C17orf99: variants seen among roughly 807,000 people sequenced by gnomAD.
The protein encoded by C17orf99 is protein IL-40.
Under a neutral mutation model 22.6 loss-of-function variants are expected in C17orf99, and 18 were observed. That is an observed-to-expected ratio of 0.80 (90% CI 0.55 to 1.18). The LOEUF is 1.18. C17orf99 is among the 50% of genes most tolerant of loss of function. C17orf99 has a pLI of 0.00. For synonymous variants in C17orf99, 147 were observed against 136.6 expected (o/e 1.08, Z -0.53); for missense variants, 328 against 342.7 (o/e 0.96, Z 0.34).
intron 2 of C17orf99, chr17:78,160,242 T>C (rs1042176374): frequency 2.4e-5 from 10 of 411,424 alleles, no homozygotes; most frequent in African/African-American, 6.2e-5. Flanking sequence ...AGGTTTGTTA[T>C]AGAAGTAAAT....
intron 2 of C17orf99, among the ~76,000 whole-genome samples, chr17:78,150,628 T>C (rs951159362): frequency 6.6e-6 from 1 of 152,064 alleles, no homozygotes; most frequent in Admixed American, 6.6e-5. Flanking sequence ...GAAGGGGAAA[T>C]GTCAAGAAGG....
At position 78,164,055 on chromosome 17, in the gene C17orf99, C is replaced by T. The variant is rs372871862; in HGVS notation, c.371-40C>T. On this transcript the variant is annotated intron_variant, in intron 3 of 4. Transcript: ENST00000340363. ...TTACTGAGGAGGAGGGGTTTAAAAC[C>T]GCTCAGCCATGCCTGTGCTACCTTC... The T allele has an allele frequency of 5.2e-5, 78 of 1,511,518 alleles. No homozygotes were observed. In the South Asian group the frequency reaches 6.1e-4, roughly 12 times the overall value. The allele number at this position is 1,511,518 out of a possible 1,614,324, so 93.6% of individuals were successfully genotyped here. A position where few individuals can be genotyped will look rare whatever the true frequency, so the allele number is the denominator to read the frequency against.
chr17:78,154,637 G>A (rs539134300), intron 2 of C17orf99, among the ~76,000 whole-genome samples: 29 of 152,036 alleles, frequency 1.9e-4, no homozygotes, highest in African/African-American at 4.8e-4. Flanking sequence ...GAGGTTGGGC[G>A]TTTGAGACCA....
At chr17:78,163,985 G>C (rs1567823181) in intron 3 of C17orf99, 110 bp from the exon 4 acceptor site, 1 of 966,662 alleles carries the variant, frequency 1.0e-6, no homozygotes, top group Non-Finnish European at 1.6e-6. Context: ...TGGAGGAGGC[G>C]GCAGCCACAG....
At chr17:78,152,285 C>T (rs2075490012) in intron 2 of C17orf99, among the ~76,000 whole-genome samples, 1 of 151,688 alleles carries the variant, frequency 6.6e-6, no homozygotes, top group South Asian at 2.1e-4. Flanking sequence ...CTCAAACATC[C>T]TCCCATGTCA....
At chr17:78,162,677 G>T (rs925823858) in intron 3 of C17orf99, among the ~76,000 whole-genome samples, 4 of 152,128 alleles carry the variant, frequency 2.6e-5, no homozygotes, top group Non-Finnish European at 4.4e-5. Flanking sequence ...CAGTGAGGTG[G>T]CTCACACCTG....
intron 2 of C17orf99, among the ~76,000 whole-genome samples, chr17:78,155,124 AT>A (rs771330920): frequency 0.15 from 15,616 of 104,344 alleles, 816 homozygotes; most frequent in African/African-American, 0.27. Context: ...AGCAACCCCT[AT>A]TTTTTTTTTT....
At chr17:78,150,000 C>T (rs560130272) in intron 2 of C17orf99, among the ~76,000 whole-genome samples, 93 of 146,980 alleles carry the variant, frequency 6.3e-4, no homozygotes, top group East Asian at 1.8e-3. Flanking sequence ...AGAGCCACCA[C>T]GCCCGGAAGC....
intron 4 of C17orf99, chr17:78,164,896 TGCTCCCA>T (rs2075606876): frequency 8.5e-7 from 1 of 1,171,284 alleles, no homozygotes; most frequent in South Asian, 1.7e-5. Context: ...CCCTGACCAG[TGCTCCCA>T]GGTGCCCTGT....
At chr17:78,145,610 G>A (rs2075432123), upstream of C17orf99, among the ~76,000 whole-genome samples, 4 of 152,090 alleles carry the variant, frequency 2.6e-5, no homozygotes, top group Admixed American at 2.6e-4. Flanking sequence ...CATCATGGGT[G>A]GGGCTGCCTT....
In C17orf99 at chr17:78,156,641, C is replaced by T. The variant is rs1289235679; in HGVS notation, c.71-4314C>T. 2.0e-5 allele frequency among the ~76,000 whole-genome samples: 3 copies of T among 152,084 alleles called. No homozygotes were observed. In the South Asian group the frequency reaches 6.2e-4, roughly 32 times the overall value. ...ATTAATTTTTTTAGAAACAGGGTCTCACTCTTTCACCCAGTCTGGAGTGCA... is the reference window on the plus strand; with the variant it reads ...ATTAATTTTTTTAGAAACAGGGTCTTACTCTTTCACCCAGTCTGGAGTGCA... On this transcript the variant is annotated intron_variant, in intron 2 of 4. Transcript: ENST00000340363.
At chr17:78,157,579 A>G in intron 2 of C17orf99, 1 of 639,126 alleles carries the variant, frequency 1.6e-6, no homozygotes, top group Non-Finnish European at 2.5e-6. Context: ...CAGGCGGATC[A>G]CAAGGTCAGG....
intron 4 of C17orf99, chr17:78,165,300 G>C (rs1313774394): frequency 1.0e-6 from 1 of 985,856 alleles, no homozygotes; most frequent in Non-Finnish European, 1.2e-6. Context: ...AGGCCCTTAC[G>C]TGGCTCTACC....
At chr17:78,160,429 G>A (rs535572868) in intron 2 of C17orf99, among the ~76,000 whole-genome samples, 77 of 151,882 alleles carry the variant, frequency 5.1e-4, no homozygotes, top group Middle Eastern at 3.4e-3. Context: ...CCAGCTATTC[G>A]GGAGGCTGAA....
rs547584858 is a variant in C17orf99, at chr17:78,158,099, C to A, written c.71-2856C>A. On this transcript the variant is annotated intron_variant, in intron 2 of 4. Transcript: ENST00000340363. ...GGACTTTCGTCTGCATGAGGGAGAC[C>A]TTGGCAAAGAGACTGAGCAGAAGTA... 7 of 946,872 alleles carry A rather than the reference C, an allele frequency of 7.4e-6. No homozygotes were observed. In the Middle Eastern group the frequency reaches 6.9e-4, roughly 93 times the overall value. The allele number at this position is 946,872 out of a possible 1,614,324, so 58.7% of individuals were successfully genotyped here.
At chr17:78,160,208 T>C in intron 2 of C17orf99, 1 of 442,060 alleles carries the variant, frequency 2.3e-6, no homozygotes, top group Non-Finnish European at 4.5e-6. Context: ...TATTTGTAAT[T>C]TTTAGGTTCA....
In C17orf99 at chr17:78,165,977, T is replaced by A. The variant is rs1038274309; in HGVS notation, c.729T>A (p.Ser243Arg). The change falls in exon 5 of 5, where the codon AGT becomes AGA. Residue 243 changes from serine (S) to arginine (R), a missense_variant. By Grantham distance (110) the Ser-to-Arg change is moderately radical. Transcript: ENST00000340363. The part of the protein sequence containing the change: ...LPLYRSTRRL[S>R]EEEFGGFRIG... ...TCTACAGGAGCACCCGCCGTCTGAGTGAAGAGGAGTTTGGGGGGTTCAGGA... is the reference window on the plus strand; with the variant it reads ...TCTACAGGAGCACCCGCCGTCTGAGAGAAGAGGAGTTTGGGGGGTTCAGGA... 2.0e-6 allele frequency: 3 copies of A among 1,500,274 alleles called. 1 individual carries two copies. In the East Asian group the frequency reaches 7.5e-5, roughly 38 times the overall value. 92.9% of individuals were successfully genotyped at this position (1,500,274 alleles called of 1,614,324 possible). A position where few individuals can be genotyped will look rare whatever the true frequency, so the allele number is the denominator to read the frequency against.
At chr17:78,157,367 GC>G in intron 2 of C17orf99, 2 of 1,052,516 alleles carry the variant, frequency 1.9e-6, no homozygotes, top group Non-Finnish European at 2.7e-6. Context: ...GAGGCTCACA[GC>G]CAGTGGACAG....
intron 2 of C17orf99, among the ~76,000 whole-genome samples, chr17:78,148,826 G>A (rs1025757491): frequency 1.3e-5 from 2 of 152,272 alleles, no homozygotes; most frequent in Middle Eastern, 3.4e-3. Flanking sequence ...AGGGGAAAAC[G>A]CAATCTGATT....
Sources: gnomAD v4.1 joint callset for allele counts (sites outside exome capture counted in the v4.1 genomes callset) on GRCh38, gnomAD v4.1.1 for gene constraint, MANE v1.5 for transcripts, NCBI Gene and HGNC (gene_info 2026-07-23, HGNC 2026-07-21) for gene names.